The following SPEN variants were observed in gnomAD, a reference collection of about 807,000 sequenced individuals.
SPEN encodes the protein msx2-interacting protein.
SPEN carries 18 observed loss-of-function variants against 269.9 expected under a neutral mutation model. That is an observed-to-expected ratio of 0.07 (90% CI 0.05 to 0.10). SPEN has a LOEUF of 0.10. SPEN is among the 10% of genes least tolerant of loss of function. The pLI is 1.00. For synonymous variants in SPEN, 1,726 were observed against 1,765.7 expected, an observed-to-expected ratio of 0.98 and a Z score of 0.56; for missense variants, 3,822 against 4,631.2, an observed-to-expected ratio of 0.83 and a Z score of 5.07.
intron 6 of SPEN, chr1:15,917,633 A>G (rs1570045400): frequency 1.3e-5 from 2 of 152,382 alleles, no homozygotes; most frequent in South Asian, 2.1e-4. Flanking sequence ...CAGGTGATCT[A>G]CCTGCCGTGG....
intron 13 of SPEN, 100 bp downstream of exon 13, chr1:15,938,106 T>G (rs1006688223): frequency 1.1e-5 from 12 of 1,080,978 alleles, no homozygotes; most frequent in Non-Finnish European, 1.3e-5. Context: ...ATGGAAGCAT[T>G]AACTGTATTC....
intron 2 of SPEN, chr1:15,874,314 G>A (rs1437631440): frequency 7.3e-7 from 1 of 1,366,328 alleles, no homozygotes; most frequent in Non-Finnish European, 9.8e-7. Context: ...CATAAGAGGG[G>A]CCAAAATTGG....
chr1:15,919,464 G>A lies in SPEN; in HGVS notation c.1582G>A (p.Val528Met), dbSNP rs765049041. The A allele has an allele frequency of 4.4e-6, 7 of 1,608,580 alleles. No homozygotes were observed. The highest frequency in any genetic ancestry group is 5.9e-6 in the Non-Finnish European group (7 of 1,179,346). Residue 528 changes from valine (V) to methionine (M), a missense_variant, in exon 8 of 15, where the codon GTG becomes ATG. By Grantham distance (21) the Val-to-Met change is conservative. This residue lies in a region of SPEN where 230 missense variants were observed against 426.1 expected (regional missense o/e 0.54). Transcript: ENST00000375759. ...GTGGCTAGATGGGCTTTCTTCGAAT[G>A]TGTCAGATCAGTATTTAACACGACA... ...CVWLDGLSSN[V>M]SDQYLTRHFC...
At chr1:15,879,961 C>T (rs113971423) in intron 3 of SPEN, among the ~76,000 whole-genome samples, 8 of 151,996 alleles carry the variant, frequency 5.3e-5, no homozygotes, top group East Asian at 1.9e-4. Flanking sequence ...TGAGCCACCG[C>T]GCCTGGCCCA....
At chr1:15,915,370 T>TC (rs1200622489) in intron 5 of SPEN, among the ~76,000 whole-genome samples, 1 of 151,930 alleles carries the variant, frequency 6.6e-6, no homozygotes, top group African/African-American at 2.4e-5. Flanking sequence ...GCACTGGTGG[T>TC]CCCAGCTACT....
At chr1:15,919,190 C>T in intron 7 of SPEN, 139 bp downstream of exon 7, 1 of 787,644 alleles carries the variant, frequency 1.3e-6, no homozygotes, top group Non-Finnish European at 2.0e-6. Context: ...TACTTCTTTG[C>T]ATTCCTATCC....
At chr1:15,884,738 T>A (rs2070720320) in intron 3 of SPEN, among the ~76,000 whole-genome samples, 1 of 44,912 alleles carries the variant, frequency 2.2e-5, no homozygotes, top group Non-Finnish European at 4.3e-5. Flanking sequence ...TCTTTTTCTT[T>A]CTTTTTTTTT....
intron 3 of SPEN, among the ~76,000 whole-genome samples, chr1:15,907,452 G>A (rs1191328778): frequency 3.3e-5 from 5 of 152,092 alleles, no homozygotes; most frequent in African/African-American, 1.2e-4. Flanking sequence ...CTCCAGCCTG[G>A]ACAACAGAGC....
At chr1:15,927,228 TGGA>T (rs1322657193) in intron 10 of SPEN, among the ~76,000 whole-genome samples, 1 of 152,190 alleles carries the variant, frequency 6.6e-6, no homozygotes, top group Admixed American at 6.5e-5. Flanking sequence ...TCCTTAAAAC[TGGA>T]GGAGTTCTCT....
intron 2 of SPEN, among the ~76,000 whole-genome samples, chr1:15,875,233 T>G (rs1336215259): frequency 1.3e-5 from 2 of 151,954 alleles, no homozygotes; most frequent in Non-Finnish European, 2.9e-5. Flanking sequence ...TGCAACGTGT[T>G]TTGTACTTTT....
chr1:15,873,253 T>A, intron 2 of SPEN, 117 bp downstream of exon 2: 4 of 1,413,374 alleles, frequency 2.8e-6, no homozygotes, highest in Non-Finnish European at 3.7e-6. Context: ...ATGTTTCCTA[T>A]TTTGGGTTGG....
At chr1:15,854,969 C>T (rs1448153057) in intron 1 of SPEN, among the ~76,000 whole-genome samples, 3 of 152,120 alleles carry the variant, frequency 2.0e-5, no homozygotes, top group African/African-American at 4.8e-5. Context: ...TGGAATGGCT[C>T]TATAAAATCC....
At chr1:15,904,205 C>T (rs906657502) in intron 3 of SPEN, among the ~76,000 whole-genome samples, 6 of 151,966 alleles carry the variant, frequency 3.9e-5, no homozygotes, top group East Asian at 1.9e-4. Context: ...AGGCCGAGCG[C>T]GGTGGCTTAT....
intron 3 of SPEN, among the ~76,000 whole-genome samples, chr1:15,892,217 G>A (rs1489718632): frequency 6.6e-6 from 1 of 151,428 alleles, no homozygotes; most frequent in Non-Finnish European, 1.5e-5. Flanking sequence ...GTAGAGATGG[G>A]GTTTCACCTT....
Position 15,934,919 on chromosome 1 carries a change from T to C in SPEN, c.8679T>C (p.Tyr2893=), listed in dbSNP as rs557515387. ...HSTLVLTAQT[Y]NASPVISSVK... ...CGTTGGTACTGACCGCCCAGACATA[T>C]AATGCCTCTCCTGTGATTTCGTCTG... Residue 2893 remains tyrosine, a synonymous_variant, in exon 11 of 15, where the codon TAT becomes TAC. Transcript: ENST00000375759. The surrounding 1 kb of genome is among the most constrained non-coding windows in gnomAD (Gnocchi z 9.2). The C allele has an allele frequency of 1.8e-5, 29 of 1,613,992 alleles. No homozygotes were observed. The highest frequency in any genetic ancestry group is 3.3e-5 in the Admixed American group (2 of 60,008).
intron 2 of SPEN, 87 bp downstream of exon 2, chr1:15,873,223 T>G: frequency 6.9e-7 from 1 of 1,459,294 alleles, no homozygotes; most frequent in Non-Finnish European, 9.1e-7. Context: ...CAGATGGATT[T>G]AAAGTTTTGG....
Position 15,929,688 on chromosome 1 carries a change from TC to T in SPEN, c.3449del (p.Ser1150TyrfsTer4). ...TGAACGTAAATCAGGCCAAGAGAAA[TC>T]ACATTCAGTAAATACTGAAGAAAAA... The part of the protein sequence containing the change: ...TPERKSGQEK[S>X]HSVNTEEKIG... On this transcript the variant is annotated frameshift_variant, in exon 11 of 15. Coordinates refer to ENST00000375759, the MANE Select transcript of SPEN (RefSeq NM_015001.3). LOFTEE classifies it high-confidence loss of function. This position sits in a 1 kb window ranked among gnomAD's most constrained non-coding sequence, Gnocchi z 5.8. The T allele has an allele frequency of 1.2e-6, 2 of 1,613,704 alleles. No individual in the cohort carries two copies. The highest frequency in any genetic ancestry group is 1.7e-6 in the Non-Finnish European group (2 of 1,179,886).
rs780963391 is a variant in SPEN, at chr1:15,911,232, G to T, written c.1174G>T (p.Ala392Ser). The T allele has an allele frequency of 1.9e-6, 3 of 1,614,146 alleles. No individual in the cohort carries two copies. The highest frequency in any genetic ancestry group is 2.5e-6 in the Non-Finnish European group (3 of 1,180,016). The change falls in exon 5 of 15, where the codon GCC becomes TCC. Residue 392 changes from alanine (A) to serine (S), a missense_variant. Physicochemically the swap from Ala to Ser is moderately conservative, Grantham distance 99. Around this residue, in one of 16 missense-constraint regions of SPEN, gnomAD observed 230 missense variants for 426.1 expected, o/e 0.54. Coordinates refer to ENST00000375759, the MANE Select transcript of SPEN (RefSeq NM_015001.3). ...FFRQQEDQEK[A>S]LTASKGKLFF... ...TCGGCAGCAAGAGGACCAAGAAAAA[G>T]CCTTGACTGCATCAAAAGGAAAACT... is the stretch of plus-strand genomic sequence containing the variant.
intron 1 of SPEN, among the ~76,000 whole-genome samples, chr1:15,872,599 C>CAAAAAAA (rs78554897): frequency 1.1e-5 from 1 of 92,574 alleles, no homozygotes. Context: ...GACTCCATCT[C>CAAAAAAA]AAAAAAAAAA....
Sources: gnomAD v4.1 joint callset for allele counts (sites outside exome capture counted in the v4.1 genomes callset) on GRCh38, gnomAD v4.1.1 for gene constraint, gnomAD v4.1.1 regional missense constraint, Gnocchi (gnomAD v3.1) non-coding constraint, MANE v1.5 for transcripts, NCBI Gene and HGNC (gene_info 2026-07-23, HGNC 2026-07-21) for gene names.